The following SFXN3 variants were observed in gnomAD, a reference collection of about 807,000 sequenced individuals.
SFXN3 encodes sideroflexin 3.
SFXN3 carries 31 observed loss-of-function variants against 40.4 expected under a neutral mutation model. The ratio of observed to expected loss-of-function variants is 0.77; its 90% confidence interval spans 0.58 to 1.04. SFXN3 has a LOEUF of 1.04. SFXN3 is among the 50% of genes least tolerant of loss of function. The pLI, the probability that SFXN3 is intolerant of heterozygous loss-of-function variation, is 0.00. For missense variants in SFXN3, 366 were observed against 408.2 expected (o/e 0.90, Z 0.89); for synonymous variants, 157 against 160.0 (o/e 0.98, Z 0.14).
At chr10:101,035,426 G>A (rs1938540630) in intron 3 of SFXN3, 71 bp from the exon 4 acceptor site, 10 of 1,514,254 alleles carry the variant, frequency 6.6e-6, no homozygotes, top group African/African-American at 1.4e-5. Context: ...ACCCTGAGCT[G>A]GGCAGGTGGG....
At chr10:101,034,595 TA>T (rs1417181394) in intron 2 of SFXN3, 96 bp from the exon 3 acceptor site, 2 of 1,332,426 alleles carry the variant, frequency 1.5e-6, no homozygotes, top group Non-Finnish European at 2.1e-6. Context: ...GGACTGATGA[TA>T]AGCTCAGGGG....
At chr10:101,037,411 G>A (rs771099898) in exon 9 of SFXN3, 1 of 1,614,160 alleles carries the variant, frequency 6.2e-7, no homozygotes, top group East Asian at 2.2e-5. Flanking sequence ...GGACACTCTG[G>A]AGAAGAAAGA....
rs555475042 is a variant in SFXN3, at chr10:101,036,371, G to T, written c.432-115G>T. Reference sequence around the variant, plus strand: ...CGGAGATGGAGGGAAGGCTTCTTCTGCAAGGAGCTTCCCCTTTTATGCCTC... The same window carrying T: ...CGGAGATGGAGGGAAGGCTTCTTCTTCAAGGAGCTTCCCCTTTTATGCCTC... On this transcript the variant is annotated intron_variant, in intron 5 of 11. Transcript: ENST00000393459. This position sits in a 1 kb window ranked among gnomAD's most constrained non-coding sequence, Gnocchi z 4.2. 8 of 1,020,112 alleles carry T rather than the reference G, an allele frequency of 7.8e-6. No individual in the cohort carries two copies. The Admixed American group carries it at 1.7e-4, about 22-fold the overall frequency. The allele number at this position is 1,020,112 out of a possible 1,614,324, so 63.2% of individuals were successfully genotyped here.
Position 101,039,570 on chromosome 10 carries a change from C to T in SFXN3, c.951C>T (p.Tyr317=), listed in dbSNP as rs1232756455. 6.2e-7 allele frequency: 1 copy of T among 1,614,106 alleles called. No homozygotes were observed. Among genetic ancestry groups the T allele is most frequent in the Admixed American group, 1.7e-5 (1 of 60,016 alleles). ...ACCCCAGCGTTGAAGTGGTCTACTA[C>T]AACAAGGGGCTTTGAGGAGGGTCAG... is the stretch of plus-strand genomic sequence containing the variant. Residue 317 remains tyrosine, a synonymous_variant, in exon 12 of 12, where the codon TAC becomes TAT. Transcript: ENST00000393459. This position sits in a 1 kb window ranked among gnomAD's most constrained non-coding sequence, Gnocchi z 4.6.
chr10:101,034,610 G>A, intron 2 of SFXN3, 82 bp from the exon 3 acceptor site: 1 of 1,491,756 alleles, frequency 6.7e-7, no homozygotes, highest in South Asian at 1.2e-5. Context: ...TCAGGGGCCA[G>A]GGCAGGGGCA....
exon 2 of SFXN3, chr10:101,032,317 C>G (rs1280226266): frequency 1.2e-6 from 1 of 803,670 alleles, no homozygotes; most frequent in Non-Finnish European, 1.9e-6. Flanking sequence ...CCCTCAGGTT[C>G]TGCCAATCCC....
intron 2 of SFXN3, 24 bp downstream of exon 2, chr10:101,032,506 G>A: frequency 6.5e-7 from 1 of 1,533,492 alleles, no homozygotes; most frequent in East Asian, 2.6e-5. Flanking sequence ...CTCCCCGGCG[G>A]GCGGGGTTCT....
rs576005266 is a variant in SFXN3, at chr10:101,036,015, C to A, written c.345C>A (p.Thr115=). 1 of 1,614,006 alleles carries A rather than the reference C, an allele frequency of 6.2e-7. No individual in the cohort carries two copies. The highest frequency in any genetic ancestry group is 1.1e-5 in the South Asian group (1 of 91,084). Residue 115 remains threonine (T), a synonymous_variant, in exon 5 of 12, where the codon ACC becomes ACA. Transcript: ENST00000393459. The surrounding 1 kb of genome is among the most constrained non-coding windows in gnomAD (Gnocchi z 4.2). ...TTTGTTCCCTCAGGAAGACCCCAACCGTGGTGTTCTGGCAGTGGGTGAATC... is the reference window on the plus strand; with the variant it reads ...TTTGTTCCCTCAGGAAGACCCCAACAGTGGTGTTCTGGCAGTGGGTGAATC...
At chr10:101,034,148 C>A (rs1409882280) in intron 2 of SFXN3, among the ~76,000 whole-genome samples, 1 of 152,126 alleles carries the variant, frequency 6.6e-6, no homozygotes. Flanking sequence ...AGGTCTTTCT[C>A]ATCCCACGAG....
chr10:101,036,876 C>A lies in SFXN3; in HGVS notation c.593+68C>A. On this transcript the variant is annotated intron_variant, in intron 7 of 11. Coordinates refer to ENST00000393459, the Ensembl canonical transcript of SFXN3. This position sits in a 1 kb window ranked among gnomAD's most constrained non-coding sequence, Gnocchi z 4.2. The stretch of plus-strand genomic sequence containing the variant: ...GCACACTGTCCATCCACGCAGACCA[C>A]CTCAGAATGGGGACATCCCTCTCCC... 3 of 1,578,660 alleles carry A rather than the reference C, an allele frequency of 1.9e-6. No homozygotes were observed. In the South Asian group the frequency reaches 3.4e-5, roughly 18 times the overall value.
chr10:101,038,783 G>C, intron 10 of SFXN3, 91 bp downstream of exon 10: 2 of 1,575,998 alleles, frequency 1.3e-6, no homozygotes, highest in Non-Finnish European at 1.7e-6. Flanking sequence ...GATGTTTATA[G>C]ACATCATCCA....
At chr10:101,034,877 C>A (rs1419112377) in intron 3 of SFXN3, 22 bp downstream of exon 3, 3 of 1,603,616 alleles carry the variant, frequency 1.9e-6, no homozygotes, top group Non-Finnish European at 2.6e-6. Flanking sequence ...TCAATCTGAC[C>A]CTGTGTGCCA....
chr10:101,033,787 C>A (rs1433980652), intron 2 of SFXN3, among the ~76,000 whole-genome samples: 2 of 151,900 alleles, frequency 1.3e-5, no homozygotes, highest in Non-Finnish European at 2.9e-5. Context: ...AGAAGGTCAG[C>A]AAAAAACATG....
At chr10:101,033,506 C>T (rs1276880323) in intron 2 of SFXN3, among the ~76,000 whole-genome samples, 1 of 152,160 alleles carries the variant, frequency 6.6e-6, no homozygotes, top group African/African-American at 2.4e-5. Context: ...AACAGCTCCT[C>T]CCCACACCCT....
At chr10:101,032,622 G>C in intron 2 of SFXN3, 140 bp downstream of exon 2, 1 of 994,050 alleles carries the variant, frequency 1.0e-6, no homozygotes, top group Admixed American at 3.8e-5. Context: ...AAGGGAGGTT[G>C]GGGGGAGGAA....
intron 2 of SFXN3, 39 bp downstream of exon 2, chr10:101,032,521 T>TG: frequency 6.6e-7 from 1 of 1,521,004 alleles, no homozygotes; most frequent in Non-Finnish European, 8.8e-7. Context: ...GGTTCTGGAA[T>TG]GGGGGTCAGA....
intron 1 of SFXN3, chr10:101,032,031 G>C (rs1289683389): frequency 1.1e-5 from 2 of 178,806 alleles, no homozygotes; most frequent in Non-Finnish European, 2.3e-5. Context: ...AGTCCCTCCC[G>C]GCGCGCCAGC....
intron 9 of SFXN3, chr10:101,037,982 C>T (rs571245989): frequency 5.0e-6 from 2 of 402,864 alleles, no homozygotes; most frequent in South Asian, 9.2e-5. Flanking sequence ...CAAGGAGGCA[C>T]CCAATAAATA....
At chr10:101,032,369 C>G in exon 2 of SFXN3, 1 of 1,354,726 alleles carries the variant, frequency 7.4e-7, no homozygotes, top group Non-Finnish European at 9.8e-7. Flanking sequence ...TCCTGCCCCT[C>G]CCTGCTGGTC....
Sources: gnomAD v4.1 joint callset for allele counts (sites outside exome capture counted in the v4.1 genomes callset) on GRCh38, gnomAD v4.1.1 for gene constraint, Gnocchi (gnomAD v3.1) non-coding constraint, MANE v1.5 for transcripts, NCBI Gene and HGNC (gene_info 2026-07-23, HGNC 2026-07-21) for gene names.